The following DCLK1 variants were observed in gnomAD, a reference collection of about 807,000 sequenced individuals.
DCLK1 encodes the protein serine/threonine-protein kinase DCLK1.
DCLK1 carries 16 observed loss-of-function variants against 86.2 expected under a neutral mutation model. The observed-to-expected ratio is 0.19, with a 90% confidence interval of 0.13 to 0.28. The LOEUF is 0.28. Among genes scored for constraint, DCLK1 ranks in the 10% least tolerant of loss-of-function variants. The pLI is 1.00. For synonymous variants in DCLK1, 369 were observed against 370.5 expected (o/e 1.00, Z 0.05); for missense variants, 590 against 940.2 (o/e 0.63, Z 4.87).
intron 4 of DCLK1, among the ~76,000 whole-genome samples, chr13:35,945,180 G>A (rs746727987): frequency 3.3e-5 from 5 of 152,264 alleles, no homozygotes; most frequent in East Asian, 1.9e-4. Flanking sequence ...GTTTACAGGC[G>A]TGAGCCACTG....
intron 3 of DCLK1, among the ~76,000 whole-genome samples, chr13:36,033,836 A>G (rs1882385049): frequency 6.6e-6 from 1 of 152,192 alleles, no homozygotes; most frequent in African/African-American, 2.4e-5. Flanking sequence ...GAGGCAGGAG[A>G]ATCACTTGAA....
chr13:35,773,455 A>T lies in DCLK1; in HGVS notation c.*1080T>A, dbSNP rs1019118025. The T allele has an allele frequency of 2.6e-5, 4 of 151,756 alleles. No individual in the cohort carries two copies. Among genetic ancestry groups the T allele is most frequent in the African/African-American group, 9.7e-5 (4 of 41,120 alleles). 9.4% of individuals were successfully genotyped at this position (151,756 alleles called of 1,614,324 possible). On this transcript the variant is annotated 3_prime_UTR_variant, in exon 17 of 17. Transcript: ENST00000360631. Reference sequence around the variant, plus strand: ...AAAACTTATTGTTAGAACATTCTGGATTGTGTTCCCAGTGTGCTTTCTCCT... The same window carrying T: ...AAAACTTATTGTTAGAACATTCTGGTTTGTGTTCCCAGTGTGCTTTCTCCT...
chr13:35,829,474 G>A (rs1296380720), intron 8 of DCLK1, among the ~76,000 whole-genome samples: 5 of 152,074 alleles, frequency 3.3e-5, no homozygotes, highest in African/African-American at 2.4e-5. Flanking sequence ...TTTTAAAATA[G>A]GACTTTAAAA....
intron 3 of DCLK1, among the ~76,000 whole-genome samples, chr13:36,027,655 A>G (rs1388230602): frequency 6.6e-6 from 1 of 152,186 alleles, no homozygotes; most frequent in East Asian, 1.9e-4. Flanking sequence ...AGGTGCCATG[A>G]ATTTCTATAT....
chr13:35,835,939 A>G lies in DCLK1; in HGVS notation c.1229+94T>C, dbSNP rs192713096. 3.0e-3 allele frequency: 2,845 copies of G among 943,364 alleles called. 6 individuals are homozygous for G. The highest frequency in any genetic ancestry group is 4.1e-3 in the Non-Finnish European group (2,559 of 625,380). The allele number at this position is 943,364 out of a possible 1,614,324, so 58.4% of individuals were successfully genotyped here. On this transcript the variant is annotated intron_variant, in intron 8 of 16. Coordinates refer to ENST00000360631, the MANE Select transcript of DCLK1 (RefSeq NM_001330071.2). ...TGGGGTTGAGACATTAACTTATTCC[A>G]TATGTGCCACAGACTGGAAATAGAG...
intron 15 of DCLK1, among the ~76,000 whole-genome samples, chr13:35,804,262 C>G (rs527492054): frequency 6.6e-6 from 1 of 150,830 alleles, no homozygotes; most frequent in African/African-American, 2.4e-5. Flanking sequence ...TCCCGAGTAG[C>G]TGGGATTACA....
chr13:35,928,149 T>C (rs908890401), intron 4 of DCLK1, among the ~76,000 whole-genome samples: 1 of 152,208 alleles, frequency 6.6e-6, no homozygotes, highest in Non-Finnish European at 1.5e-5. Context: ...TCCCTGAATT[T>C]GTAGCCAGTT....
In DCLK1 at chr13:35,854,568, G is replaced by A; in HGVS notation, c.966C>T (p.Leu322=). Residue 322 remains leucine (L), a synonymous_variant, in exon 6 of 17, where the codon CTC becomes CTT. Coordinates refer to ENST00000360631, the MANE Select transcript of DCLK1 (RefSeq NM_001330071.2). Reference sequence around the variant, plus strand: ...GCGACTTGCCTGAGCGCGGAGTAGAGAGCTGACTACCAGGGGTTCCATTAA... The same window carrying A: ...GCGACTTGCCTGAGCGCGGAGTAGAAAGCTGACTACCAGGGGTTCCATTAA... ...SSVNGTPGSQ[L]STPRSGKSPS... is the part of the protein sequence containing the mutation. 2 of 1,603,266 alleles carry A rather than the reference G, an allele frequency of 1.2e-6. No individual in the cohort carries two copies. Among genetic ancestry groups the A allele is most frequent in the Non-Finnish European group, 1.7e-6 (2 of 1,173,682 alleles).
In DCLK1 at chr13:35,788,913, T is replaced by C. The variant is rs568773399; in HGVS notation, c.2058+4453A>G. 4.1e-4 allele frequency among the ~76,000 whole-genome samples: 63 copies of C among 152,166 alleles called. 1 individual carries two copies. The highest frequency in any genetic ancestry group is 5.9e-5 in the Non-Finnish European group (4 of 67,996). On this transcript the variant is annotated intron_variant, in intron 16 of 16. Coordinates refer to ENST00000360631, the MANE Select transcript of DCLK1 (RefSeq NM_001330071.2). ...AGAAGATAGAGTATAAAACAGTCAA[T>C]AAATTTTCTCTATGAAAATATGGAA...
intron 3 of DCLK1, among the ~76,000 whole-genome samples, chr13:36,092,830 G>A (rs1884885217): frequency 6.6e-6 from 1 of 152,144 alleles, no homozygotes; most frequent in Admixed American, 6.5e-5. Flanking sequence ...ACGTCTTCCT[G>A]TTCCTTCCCA....
In DCLK1 at chr13:36,052,957, T is replaced by C. The variant is rs191273520; in HGVS notation, c.723+58912A>G. 9.8e-5 allele frequency among the ~76,000 whole-genome samples: 15 copies of C among 152,294 alleles called. No homozygotes were observed. The East Asian group carries it at 2.7e-3, about 27-fold the overall frequency. On this transcript the variant is annotated intron_variant, in intron 3 of 16. Transcript: ENST00000360631. Reference sequence around the variant, plus strand: ...TCCTATGACTGAGCTTCTTTGAGGATGGGGTGCTTACAATCTCTGAGGCAG... The same window carrying C: ...TCCTATGACTGAGCTTCTTTGAGGACGGGGTGCTTACAATCTCTGAGGCAG...
chr13:36,036,231 A>G (rs1264817960), intron 3 of DCLK1, among the ~76,000 whole-genome samples: 2 of 152,194 alleles, frequency 1.3e-5, no homozygotes, highest in Non-Finnish European at 2.9e-5. Context: ...AAAAGTGGGT[A>G]TAAATATGAC....
In DCLK1 at chr13:36,126,226, T is replaced by C. The variant is rs558928227; in HGVS notation, c.-19-70A>G. ...TTATATATATATATATATTTTTTTG[T>C]TTTTGTTTTTTTTATGTTAGGGACA... On this transcript the variant is annotated intron_variant, in intron 1 of 16. Coordinates refer to ENST00000360631, the MANE Select transcript of DCLK1 (RefSeq NM_001330071.2). 185 of 1,250,434 alleles carry C rather than the reference T, an allele frequency of 1.5e-4. 12 individuals are homozygous for C. In the East Asian group the frequency reaches 3.3e-3, roughly 22 times the overall value. 77.5% of individuals were successfully genotyped at this position (1,250,434 alleles called of 1,614,324 possible).
chr13:36,038,875 C>T (rs922017906), intron 3 of DCLK1, among the ~76,000 whole-genome samples: 3 of 152,124 alleles, frequency 2.0e-5, no homozygotes, highest in African/African-American at 2.4e-5. Flanking sequence ...AGATTCAAGA[C>T]TTGAATGAAG....
In DCLK1 at chr13:35,885,579, G is replaced by C. The variant is rs574632898; in HGVS notation, c.824-14239C>G. On this transcript the variant is annotated intron_variant, in intron 4 of 16. Transcript: ENST00000360631. ...CACTGGGATAGAATTTAATCAAGAGGTTTTACTTTCAAGAAATAAGCACAA... is the reference window on the plus strand; with the variant it reads ...CACTGGGATAGAATTTAATCAAGAGCTTTTACTTTCAAGAAATAAGCACAA... Among the ~76,000 whole-genome samples the C allele has an allele frequency of 1.4e-4, 22 of 152,244 alleles. No individual in the cohort carries two copies. The South Asian group carries it at 4.6e-3, about 32-fold the overall frequency.
At chr13:35,815,453 A>G (rs182182283) in intron 11 of DCLK1, among the ~76,000 whole-genome samples, 1 of 152,318 alleles carries the variant, frequency 6.6e-6, no homozygotes, top group East Asian at 1.9e-4. Context: ...ATCCAAGGGT[A>G]ACCCTGATGA....
chr13:35,871,623 G>T (rs577158870), intron 4 of DCLK1, among the ~76,000 whole-genome samples: 5 of 152,148 alleles, frequency 3.3e-5, no homozygotes, highest in East Asian at 1.9e-4. Flanking sequence ...TAATAAAGAG[G>T]TGTTTTGTTG....
intron 5 of DCLK1, among the ~76,000 whole-genome samples, chr13:35,868,474 GTTTT>G (rs1009784732): frequency 5.3e-5 from 8 of 152,098 alleles, no homozygotes; most frequent in Non-Finnish European, 8.8e-5. Flanking sequence ...CCCCACACTT[GTTTT>G]TTTATTCATC....
chr13:36,043,863 C>T (rs1882782097), intron 3 of DCLK1, among the ~76,000 whole-genome samples: 1 of 152,110 alleles, frequency 6.6e-6, no homozygotes, highest in Admixed American at 6.6e-5. Context: ...TGTTAGGAAA[C>T]CATCAGAGAA....
Sources: allele counts gnomAD v4.1 joint callset (sites outside exome capture counted in the v4.1 genomes callset), GRCh38; gene constraint gnomAD v4.1.1; transcripts MANE v1.5; gene names NCBI Gene and HGNC (gene_info 2026-07-23, HGNC 2026-07-21).